The following LMBRD2 variants were observed in gnomAD, a reference collection of about 807,000 sequenced individuals.
LMBRD2 encodes G protein-coupled receptor-associated protein LMBRD2.
In LMBRD2, 55 loss-of-function variants were observed where a neutral mutation model predicts 94.4. That is an observed-to-expected ratio of 0.58 (90% confidence interval 0.47 to 0.73). The LOEUF is 0.73. Among genes scored for constraint, LMBRD2 ranks in the 30% least tolerant of loss-of-function variants. The pLI, the probability that LMBRD2 is intolerant of heterozygous loss-of-function variation, is 0.00. For missense variants in LMBRD2, 640 were observed against 831.9 expected, an observed-to-expected ratio of 0.77 and a Z score of 2.84; for synonymous variants, 246 against 272.4, an observed-to-expected ratio of 0.90 and a Z score of 0.95.
At chr5:36,127,908 T>C (rs1228171471) in intron 6 of LMBRD2, among the ~76,000 whole-genome samples, 1 of 152,162 alleles carries the variant, frequency 6.6e-6, no homozygotes, top group Non-Finnish European at 1.5e-5. Context: ...TGAGCAAACA[T>C]AGACGGTAGC....
At chr5:36,111,403 T>A in intron 13 of LMBRD2, 145 bp from the exon 14 acceptor site, 1 of 684,118 alleles carries the variant, frequency 1.5e-6, no homozygotes. Context: ...ACATCTGACA[T>A]GCTTCAGGAA....
chr5:36,104,125 G>A lies in LMBRD2; in HGVS notation c.2028-19C>T, dbSNP rs754023060. 2.5e-6 allele frequency: 4 copies of A among 1,586,952 alleles called. No homozygotes were observed. Among genetic ancestry groups the A allele is most frequent in the Admixed American group, 1.7e-5 (1 of 59,682 alleles). On this transcript the variant is annotated intron_variant, in intron 17 of 17. Transcript: ENST00000296603. ...CTGATACCTAAAAAGGGAACATAAAGAAATGATCTGAGGCATCAAAAATAA... is the reference window on the plus strand; with the variant it reads ...CTGATACCTAAAAAGGGAACATAAAAAAATGATCTGAGGCATCAAAAATAA...
rs1038753682 is a variant in LMBRD2, at chr5:36,099,402, G to T, written c.*4644C>A. 2 of 151,994 alleles carry T rather than the reference G, an allele frequency of 1.3e-5. No homozygotes were observed. Among genetic ancestry groups the T allele is most frequent in the Admixed American group, 6.6e-5 (1 of 15,234 alleles). The allele number at this position is 151,994 out of a possible 1,614,324, so 9.4% of individuals were successfully genotyped here. On this transcript the variant is annotated 3_prime_UTR_variant, in exon 18 of 18. Coordinates refer to ENST00000296603, the MANE Select transcript of LMBRD2 (RefSeq NM_001007527.2). ...CCTTCTAAAATAAGAAAAATCCTTC[G>T]AGTTGTTTTCAAAATATGAACAAAA...
Position 36,110,034 on chromosome 5 carries a change from TA to T in LMBRD2, c.1745-44del, listed in dbSNP as rs559165928. ...ATCTCAAATATGGCATAACATGGTT[TA>T]ATCAGACATAGTGCAACTGAAGTAA... On this transcript the variant is annotated intron_variant, in intron 14 of 17. Transcript: ENST00000296603. 3.2e-5 allele frequency: 46 copies of T among 1,437,742 alleles called. 1 individual carries two copies. In the Middle Eastern group the frequency reaches 7.0e-4, roughly 22 times the overall value. The allele number at this position is 1,437,742 out of a possible 1,614,324, so 89.1% of individuals were successfully genotyped here.
Position 36,109,852 on chromosome 5 carries a change from C to G in LMBRD2, c.1791+93G>C, listed in dbSNP as rs1176869093. 3.6e-5 allele frequency: 32 copies of G among 898,574 alleles called. No homozygotes were observed. In the East Asian group the frequency reaches 8.3e-4, roughly 23 times the overall value. The allele number at this position is 898,574 out of a possible 1,614,324, so 55.7% of individuals were successfully genotyped here. A position where few individuals can be genotyped will look rare whatever the true frequency, so the allele number is the denominator to read the frequency against. Reference sequence around the variant, plus strand: ...TATAACATTTTTCCACTGTTTTTTTCTGTCTTTAGCTAATTATTCCAAATT... The same window carrying G: ...TATAACATTTTTCCACTGTTTTTTTGTGTCTTTAGCTAATTATTCCAAATT... On this transcript the variant is annotated intron_variant, in intron 15 of 17. Coordinates refer to ENST00000296603, the MANE Select transcript of LMBRD2 (RefSeq NM_001007527.2).
chr5:36,129,460 T>G (rs1037098730), intron 6 of LMBRD2, among the ~76,000 whole-genome samples: 3 of 151,536 alleles, frequency 2.0e-5, no homozygotes, highest in Admixed American at 2.0e-4. Flanking sequence ...CAGGATATAT[T>G]TACAATGCTG....
At chr5:36,119,189 C>G (rs759234621) in intron 9 of LMBRD2, among the ~76,000 whole-genome samples, 2 of 152,076 alleles carry the variant, frequency 1.3e-5, no homozygotes, top group Non-Finnish European at 2.9e-5. Context: ...ATACCCTTAT[C>G]TCTCATTTCT....
intron 13 of LMBRD2, among the ~76,000 whole-genome samples, chr5:36,113,473 GCT>G (rs1743664570): frequency 6.6e-6 from 1 of 151,918 alleles, no homozygotes; most frequent in African/African-American, 2.4e-5. Flanking sequence ...CTTGTCTGCG[GCT>G]CATCCTGCTA....
intron 1 of LMBRD2, among the ~76,000 whole-genome samples, chr5:36,145,331 A>C (rs1014462654): frequency 4.6e-5 from 7 of 152,250 alleles, no homozygotes; most frequent in African/African-American, 1.4e-4. Context: ...ACATTACCAA[A>C]TACTACTCAA....
At chr5:36,105,237 CTT>C (rs747939584) in intron 16 of LMBRD2, 40 bp from the exon 17 acceptor site, 17 of 1,599,692 alleles carry the variant, frequency 1.1e-5, no homozygotes, top group South Asian at 8.9e-5. Context: ...TCCCTACTGT[CTT>C]TTAACTTATG....
chr5:36,114,886 C>T (rs920316847), intron 12 of LMBRD2, 129 bp downstream of exon 12: 5 of 675,908 alleles, frequency 7.4e-6, no homozygotes, highest in African/African-American at 7.4e-5. Flanking sequence ...AATACGTATA[C>T]AATCTTTAAG....
chr5:36,140,378 T>C (rs1350345938), intron 4 of LMBRD2, among the ~76,000 whole-genome samples: 2 of 152,156 alleles, frequency 1.3e-5, no homozygotes, highest in African/African-American at 2.4e-5. Flanking sequence ...ATGAGCTAAG[T>C]GCAACCTGCC....
In LMBRD2 at chr5:36,108,579, T is replaced by C. The variant is rs749440311; in HGVS notation, c.1852A>G (p.Thr618Ala). The C allele has an allele frequency of 2.5e-6, 4 of 1,597,398 alleles. No homozygotes were observed. Among genetic ancestry groups the C allele is most frequent in the Non-Finnish European group, 3.4e-6 (4 of 1,168,798 alleles). The part of the protein sequence containing the change: ...EDSTRNRNIH[T>A]DPKESNFSDV... ...GAGAAGTTTGACTCTTTGGGGTCAGTATGAATATTTCTGTTCCTAGTGGAA... is the reference window on the plus strand; with the variant it reads ...GAGAAGTTTGACTCTTTGGGGTCAGCATGAATATTTCTGTTCCTAGTGGAA... Residue 618 changes from threonine to alanine, a missense_variant, in exon 16 of 18, where the codon ACT (threonine) becomes GCT (alanine). By Grantham distance (58) the Thr-to-Ala change is moderately conservative. Coordinates refer to ENST00000296603, the MANE Select transcript of LMBRD2 (RefSeq NM_001007527.2).
In LMBRD2 at chr5:36,102,755, G is replaced by C. The variant is rs1743373390; in HGVS notation, c.*1291C>G. On this transcript the variant is annotated 3_prime_UTR_variant, in exon 18 of 18. Coordinates refer to ENST00000296603, the MANE Select transcript of LMBRD2 (RefSeq NM_001007527.2). ...GAACCATATAATTCATCTTCAAACT[G>C]GGTGGGATACTTGAGGGTGAAAGTA... The C allele has an allele frequency of 6.6e-6, 1 of 151,632 alleles. No homozygotes were observed. Among genetic ancestry groups the C allele is most frequent in the Non-Finnish European group, 1.5e-5 (1 of 67,748 alleles). The allele number at this position is 151,632 out of a possible 1,614,324, so 9.4% of individuals were successfully genotyped here. A position where few individuals can be genotyped will look rare whatever the true frequency, so the allele number is the denominator to read the frequency against.
At position 36,101,751 on chromosome 5, in the gene LMBRD2, A is replaced by G. The variant is rs1743350568; in HGVS notation, c.*2295T>C. ...AATATTCTGAATCACTGAAACAACCAAATATTTTAAATATAACTTGAAAGT... is the reference window on the plus strand; with the variant it reads ...AATATTCTGAATCACTGAAACAACCGAATATTTTAAATATAACTTGAAAGT... On this transcript the variant is annotated 3_prime_UTR_variant, in exon 18 of 18. Coordinates refer to ENST00000296603, the MANE Select transcript of LMBRD2 (RefSeq NM_001007527.2). The G allele has an allele frequency of 6.6e-6, 1 of 151,900 alleles. No homozygotes were observed. The highest frequency in any genetic ancestry group is 1.5e-5 in the Non-Finnish European group (1 of 67,854). The allele number at this position is 151,900 out of a possible 1,614,324, so 9.4% of individuals were successfully genotyped here.
chr5:36,128,499 T>C (rs539374082), intron 6 of LMBRD2, among the ~76,000 whole-genome samples: 1 of 151,106 alleles, frequency 6.6e-6, no homozygotes, highest in Non-Finnish European at 1.5e-5. Flanking sequence ...AGGCTGGAGG[T>C]CACTTAAGCT....
intron 6 of LMBRD2, among the ~76,000 whole-genome samples, chr5:36,132,545 T>G (rs1194364424): frequency 6.6e-6 from 1 of 151,684 alleles, no homozygotes; most frequent in Admixed American, 6.6e-5. Context: ...GGAGAAAATA[T>G]TTGTAAACTA....
chr5:36,111,253 C>G lies in LMBRD2; in HGVS notation c.1646G>C (p.Gly549Ala), dbSNP rs148918712. 394 of 1,606,682 alleles carry G rather than the reference C, an allele frequency of 2.5e-4. 1 individual carries two copies. The highest frequency in any genetic ancestry group is 3.2e-4 in the Non-Finnish European group (374 of 1,174,666). Residue 549 changes from glycine (G) to alanine (A), a missense_variant, in exon 14 of 18, where the codon GGA (glycine) becomes GCA (alanine). By Grantham distance (60) the Gly-to-Ala change is moderately conservative (BLOSUM62 0). Coordinates refer to ENST00000296603, the MANE Select transcript of LMBRD2 (RefSeq NM_001007527.2). ...ACCGAGCAGATTCAAACAACGGGTT[C>G]CCAAACTAATAAAAGCAGATTTTTT... is the stretch of plus-strand genomic sequence containing the variant. Reference protein sequence around the residue: ...ILCIATYFSLGTRCLNLLGFQ... With the variant: ...ILCIATYFSLATRCLNLLGFQ...
At chr5:36,129,356 G>A (rs1396180406) in intron 6 of LMBRD2, among the ~76,000 whole-genome samples, 1 of 151,932 alleles carries the variant, frequency 6.6e-6, no homozygotes, top group Admixed American at 6.6e-5. Flanking sequence ...GATCCTAAAA[G>A]CAGCAGGAGA....
Sources: gnomAD v4.1 joint callset for allele counts (sites outside exome capture counted in the v4.1 genomes callset) on GRCh38, gnomAD v4.1.1 for gene constraint, MANE v1.5 for transcripts, NCBI Gene and HGNC (gene_info 2026-07-23, HGNC 2026-07-21) for gene names.